Variants in BNC2 observed in about 807,000 individuals in gnomAD.
BNC2 encodes the protein zinc finger protein basonuclin-2.
BNC2 carries 20 observed loss-of-function variants against 76.3 expected under a neutral mutation model. The observed-to-expected ratio is 0.26, with a 90% CI of 0.18 to 0.38. The LOEUF (loss-of-function observed/expected upper bound fraction) is 0.38, where lower values mean the gene tolerates loss of function less well. Among genes scored for constraint, BNC2 ranks in the 10% least tolerant of loss-of-function variants. The pLI is 1.00. For synonymous variants in BNC2, 582 were observed against 514.8 expected (o/e 1.13, Z -1.77); for missense variants, 1,382 against 1,399.8 (o/e 0.99, Z 0.20).
chr9:16,788,281 C>T (rs570023360), intron 1 of BNC2, among the ~76,000 whole-genome samples: 53 of 152,124 alleles, frequency 3.5e-4, no homozygotes, highest in Admixed American at 8.5e-4. Context: ...GGGCCAGGCG[C>T]GGTGGCTCAC....
At chr9:16,648,084 T>G (rs892460667) in intron 3 of BNC2, among the ~76,000 whole-genome samples, 5 of 152,258 alleles carry the variant, frequency 3.3e-5, no homozygotes, top group Non-Finnish European at 7.3e-5. Context: ...TATGTGTGTG[T>G]GTGTGTTTAA....
At chr9:16,554,742 G>A (rs1818770784) in intron 4 of BNC2, among the ~76,000 whole-genome samples, 2 of 151,886 alleles carry the variant, frequency 1.3e-5, no homozygotes, top group Admixed American at 6.6e-5. Context: ...CAGATCGGGG[G>A]CGATCTGCTC....
In BNC2 at chr9:16,593,016, A is replaced by C. The variant is rs548022974; in HGVS notation, c.331-9931T>G. 3.3e-5 allele frequency among the ~76,000 whole-genome samples: 5 copies of C among 152,300 alleles called. No individual in the cohort carries two copies. The South Asian group carries it at 6.2e-4, about 19-fold the overall frequency. Reference sequence around the variant, plus strand: ...TTTGCGGGGCAAAAAAGCAAAAGCAAAAACAAAAACAAAACTTCTCAGTTA... The same window carrying C: ...TTTGCGGGGCAAAAAAGCAAAAGCACAAACAAAAACAAAACTTCTCAGTTA... On this transcript the variant is annotated intron_variant, in intron 3 of 6. Transcript: ENST00000380672.
rs1327282700 is a variant in BNC2, at chr9:16,410,797, C to T, written c.*8192G>A. On this transcript the variant is annotated 3_prime_UTR_variant, in exon 7 of 7. Coordinates refer to ENST00000380672, the MANE Select transcript of BNC2 (RefSeq NM_017637.6). ...AAAAGTCAGAGGAGATTAAGATACACAATGAGAGGAATGGATTACTCTGTA... is the reference window on the plus strand; with the variant it reads ...AAAAGTCAGAGGAGATTAAGATACATAATGAGAGGAATGGATTACTCTGTA... The T allele has an allele frequency of 6.6e-6, 1 of 152,080 alleles. No homozygotes were observed. The highest frequency in any genetic ancestry group is 1.5e-5 in the Non-Finnish European group (1 of 68,042). 9.4% of individuals were successfully genotyped at this position (152,080 alleles called of 1,614,324 possible).
At chr9:16,610,818 A>G (rs551916584) in intron 3 of BNC2, among the ~76,000 whole-genome samples, 3 of 152,300 alleles carry the variant, frequency 2.0e-5, no homozygotes, top group South Asian at 2.1e-4. Flanking sequence ...TGACGTGTAT[A>G]TAGCAAATTC....
chr9:16,654,175 C>T (rs963685048), intron 3 of BNC2, among the ~76,000 whole-genome samples: 2 of 152,172 alleles, frequency 1.3e-5, no homozygotes, highest in Admixed American at 6.5e-5. Context: ...TAGGCAACTA[C>T]AGTAGAAATT....
chr9:16,575,999 C>T lies in BNC2; in HGVS notation c.433+6984G>A, dbSNP rs952199795. ...AAACGAGTGCACCAAGGGAAGAAGACGATAGTGTTTCTATCCTTGTGTTTC... is the reference window on the plus strand; with the variant it reads ...AAACGAGTGCACCAAGGGAAGAAGATGATAGTGTTTCTATCCTTGTGTTTC... On this transcript the variant is annotated intron_variant, in intron 4 of 6. Transcript: ENST00000380672. 7.2e-5 allele frequency among the ~76,000 whole-genome samples: 11 copies of T among 152,180 alleles called. 1 individual carries two copies. The highest frequency in any genetic ancestry group is 3.9e-4 in the Admixed American group (6 of 15,270).
At chr9:16,752,843 G>T (rs1314014953) in intron 1 of BNC2, among the ~76,000 whole-genome samples, 1 of 152,178 alleles carries the variant, frequency 6.6e-6, no homozygotes, top group African/African-American at 2.4e-5. Flanking sequence ...TTATTAGCCA[G>T]TAAGTTTTGA....
Sources: gnomAD v4.1 joint callset for allele counts (sites outside exome capture counted in the v4.1 genomes callset) on GRCh38, gnomAD v4.1.1 for gene constraint, MANE v1.5 for transcripts, NCBI Gene and HGNC (gene_info 2026-07-23, HGNC 2026-07-21) for gene names.